TAOK3: variants seen among roughly 807,000 people sequenced by gnomAD.
TAOK3 encodes the protein serine/threonine-protein kinase TAO3.
TAOK3 carries 40 observed loss-of-function variants against 120.4 expected under a neutral mutation model. The ratio of observed to expected loss-of-function variants is 0.33; its 90% CI spans 0.26 to 0.43. The LOEUF is 0.43. TAOK3 is among the 20% of genes least tolerant of loss of function. TAOK3 has a pLI of 1.00. For missense variants in TAOK3, 821 were observed against 1,112.1 expected (o/e 0.74, Z 3.72); for synonymous variants, 355 against 387.5 (o/e 0.92, Z 0.99).
At chr12:118,162,240 C>T (rs2035268496) in intron 17 of TAOK3, among the ~76,000 whole-genome samples, 1 of 152,198 alleles carries the variant, frequency 6.6e-6, no homozygotes, top group South Asian at 2.1e-4. Flanking sequence ...AAATGGGCAA[C>T]TTCACAGCAA....
chr12:118,363,849 C>T (rs1431187335), intron 1 of TAOK3, among the ~76,000 whole-genome samples: 5 of 151,902 alleles, frequency 3.3e-5, no homozygotes, highest in South Asian at 2.1e-4. Context: ...AGGCCAGGCG[C>T]GGTGGCTCAT....
At chr12:118,235,427 CCTT>C in intron 8 of TAOK3, 128 bp downstream of exon 8, 1 of 619,304 alleles carries the variant, frequency 1.6e-6, no homozygotes, top group East Asian at 2.7e-5. Flanking sequence ...GGCTTTCTAT[CCTT>C]CTCAAATGAA....
At chr12:118,151,930 T>C (rs912643089) in intron 20 of TAOK3, among the ~76,000 whole-genome samples, 8 of 152,180 alleles carry the variant, frequency 5.3e-5, no homozygotes, top group Non-Finnish European at 1.2e-4. Context: ...ACAGTACCTT[T>C]CAGGTGTCAC....
chr12:118,243,746 G>A (rs894976538), intron 4 of TAOK3, among the ~76,000 whole-genome samples: 1 of 151,878 alleles, frequency 6.6e-6, no homozygotes, highest in Non-Finnish European at 1.5e-5. Flanking sequence ...GCACGATCTC[G>A]GCTCACTGCA....
intron 3 of TAOK3, chr12:118,246,046 A>C: frequency 1.2e-6 from 1 of 843,820 alleles, no homozygotes; most frequent in Non-Finnish European, 1.8e-6. Flanking sequence ...TGTAGAAAAA[A>C]TTATAAAAGA....
chr12:118,164,912 AC>A (rs2035484744), intron 17 of TAOK3, among the ~76,000 whole-genome samples: 1 of 152,208 alleles, frequency 6.6e-6, no homozygotes, highest in South Asian at 2.1e-4. Context: ...AGCATCTAGT[AC>A]TAGAGTACAG....
At chr12:118,246,237 G>C (rs376400259) in intron 3 of TAOK3, 15,405 of 1,470,446 alleles carry the variant, frequency 0.01, 462 homozygotes, top group Admixed American at 0.074. Context: ...CGGAGCTCGC[G>C]GAGGCAAGGC....
At chr12:118,187,446 C>G (rs383371) in intron 14 of TAOK3, among the ~76,000 whole-genome samples, 100,162 of 152,068 alleles carry the variant, frequency 0.66, 33,229 homozygotes, top group South Asian at 0.72. Flanking sequence ...CCAGTGTCCT[C>G]ATTTATACAC....
intron 1 of TAOK3, among the ~76,000 whole-genome samples, chr12:118,273,471 C>T (rs1439374380): frequency 6.6e-6 from 1 of 151,702 alleles, no homozygotes; most frequent in African/African-American, 2.4e-5. Flanking sequence ...CCACTGCACT[C>T]CAGCCTGGGT....
intron 1 of TAOK3, among the ~76,000 whole-genome samples, chr12:118,357,073 C>T (rs1403039096): frequency 6.6e-6 from 1 of 152,204 alleles, no homozygotes; most frequent in Non-Finnish European, 1.5e-5. Context: ...AAAATGTTCT[C>T]AGTACATGAA....
intron 1 of TAOK3, among the ~76,000 whole-genome samples, chr12:118,309,166 TA>T (rs966324422): frequency 6.6e-6 from 1 of 151,200 alleles, no homozygotes; most frequent in African/African-American, 2.4e-5. Flanking sequence ...CCATCTCTAC[TA>T]CAAATACAAA....
intron 9 of TAOK3, among the ~76,000 whole-genome samples, chr12:118,214,362 CT>C (rs2038777436): frequency 6.6e-6 from 1 of 151,972 alleles, no homozygotes; most frequent in Non-Finnish European, 1.5e-5. Flanking sequence ...AAGTTTTTTT[CT>C]TTTTTTCACA....
intron 1 of TAOK3, among the ~76,000 whole-genome samples, chr12:118,326,801 C>T (rs780165058): frequency 1.3e-5 from 2 of 152,138 alleles, no homozygotes; most frequent in East Asian, 1.9e-4. Flanking sequence ...AAAGGTAATA[C>T]GTGTTCAACA....
intron 1 of TAOK3, chr12:118,297,312 G>A (rs1336841939): frequency 6.6e-6 from 1 of 152,204 alleles, no homozygotes; most frequent in African/African-American, 2.4e-5. Flanking sequence ...TTAGTCAAAT[G>A]TTACAGTGTT....
rs16948245 is a variant in TAOK3 at position 118,312,423 on chromosome 12, C to T, written c.-193-45664G>A. 6.5e-3 allele frequency among the ~76,000 whole-genome samples: 996 copies of T among 152,074 alleles called. 13 individuals are homozygous for T. The highest frequency in any genetic ancestry group is 0.023 in the African/African-American group (936 of 41,480). ...TGCTAAGATTTTAGATAATAGTTAC[C>T]CATAATGTTCCTATAACCTGTAACT... On this transcript the variant is annotated intron_variant, in intron 1 of 20. Coordinates refer to ENST00000392533, the MANE Select transcript of TAOK3 (RefSeq NM_016281.4).
chr12:118,321,934 A>C (rs917001270), intron 1 of TAOK3, among the ~76,000 whole-genome samples: 2 of 152,204 alleles, frequency 1.3e-5, no homozygotes, highest in African/African-American at 4.8e-5. Context: ...CATTAACAAC[A>C]ACCAACCCAA....
At chr12:118,231,916 G>T (rs558539731) in intron 9 of TAOK3, among the ~76,000 whole-genome samples, 153 of 145,524 alleles carry the variant, frequency 1.1e-3, no homozygotes, top group African/African-American at 3.7e-3. Context: ...GAGCAAGATT[G>T]TGTCTCAAAA....
chr12:118,244,859 A>C (rs759224718), intron 4 of TAOK3, 35 bp downstream of exon 4: 2 of 1,495,938 alleles, frequency 1.3e-6, no homozygotes, highest in African/African-American at 2.8e-5. Flanking sequence ...TAACTTGTTT[A>C]TTTCAGTTTA....
chr12:118,219,606 T>C (rs2039120749), intron 9 of TAOK3, among the ~76,000 whole-genome samples: 1 of 151,608 alleles, frequency 6.6e-6, no homozygotes, highest in Non-Finnish European at 1.5e-5. Context: ...TAGTTATTTG[T>C]GTAATTTTTT....
Sources: allele counts gnomAD v4.1 joint callset (sites outside exome capture counted in the v4.1 genomes callset), GRCh38; gene constraint gnomAD v4.1.1; transcripts MANE v1.5; gene names NCBI Gene and HGNC (gene_info 2026-07-23, HGNC 2026-07-21).